Variants in CCDC60 observed in about 807,000 individuals in gnomAD.
CCDC60 encodes the protein coiled-coil domain-containing protein 60.
In CCDC60, 54 loss-of-function variants were observed where a neutral mutation model predicts 63.5. That is an observed-to-expected ratio of 0.85 (90% CI 0.68 to 1.07). The LOEUF (loss-of-function observed/expected upper bound fraction) is 1.07, where lower values mean the gene tolerates loss of function less well. Among genes scored for constraint, CCDC60 ranks in the 50% least tolerant of loss-of-function variants. The pLI, the probability that CCDC60 is intolerant of heterozygous loss-of-function variation, is 0.00. For synonymous variants in CCDC60, 206 were observed against 238.8 expected (o/e 0.86, Z 1.27); for missense variants, 651 against 684.3 (o/e 0.95, Z 0.54).
chr12:119,346,333 TC>T (rs1164997534), intron 1 of CCDC60, among the ~76,000 whole-genome samples: 2 of 152,134 alleles, frequency 1.3e-5, no homozygotes, highest in African/African-American at 4.8e-5. Context: ...GCAGGTGCTA[TC>T]ATGACATCTA....
intron 2 of CCDC60, among the ~76,000 whole-genome samples, chr12:119,429,167 G>T (rs941017867): frequency 3.9e-5 from 6 of 152,102 alleles, no homozygotes; most frequent in African/African-American, 7.2e-5. Flanking sequence ...AAACTCTCTG[G>T]GACTCTTTTT....
chr12:119,536,315 C>T (rs576176), intron 13 of CCDC60, among the ~76,000 whole-genome samples: 30,061 of 152,022 alleles, frequency 0.2, 3,753 homozygotes, highest in East Asian at 0.52. Flanking sequence ...TGTCTCTGCA[C>T]GTGAGATGGG....
intron 1 of CCDC60, among the ~76,000 whole-genome samples, chr12:119,391,000 G>T (rs1393829184): frequency 6.6e-6 from 1 of 152,212 alleles, no homozygotes; most frequent in Non-Finnish European, 1.5e-5. Flanking sequence ...AGGATTTTGT[G>T]TGATGCCATT....
chr12:119,530,885 T>C lies in CCDC60; in HGVS notation c.1373T>C (p.Leu458Pro), dbSNP rs376813708. Residue 458 changes from leucine to proline, a missense_variant, in exon 13 of 14, where the codon CTG becomes CCG. Transcript: ENST00000327554. The part of the protein sequence containing the change: ...EEIADHWYFD[L>P]LSKLPEDLKN... ...TTTTGGAATTGAAGGTACTTTGATC[T>C]GTTGTCCAAACTGCCAGAGGATCTA... is the stretch of plus-strand genomic sequence containing the variant. The C allele has an allele frequency of 6.2e-7, 1 of 1,613,552 alleles. No homozygotes were observed. Among genetic ancestry groups the C allele is most frequent in the African/African-American group, 1.3e-5 (1 of 74,880 alleles).
At chr12:119,472,331 G>A (rs1344704178) in intron 3 of CCDC60, among the ~76,000 whole-genome samples, 167 bp downstream of exon 3, 3 of 152,034 alleles carry the variant, frequency 2.0e-5, no homozygotes, top group Admixed American at 6.6e-5. Context: ...TGATAGCCTC[G>A]CTTTCTGGTA....
chr12:119,417,726 C>T (rs1328557220), intron 1 of CCDC60, among the ~76,000 whole-genome samples: 1 of 152,128 alleles, frequency 6.6e-6, no homozygotes, highest in Non-Finnish European at 1.5e-5. Flanking sequence ...CCAAAACAAA[C>T]AAATCAACCA....
intron 11 of CCDC60, chr12:119,524,414 C>G (rs1390464640): frequency 2.0e-6 from 2 of 982,892 alleles, no homozygotes; most frequent in African/African-American, 3.5e-5. Context: ...ACTCCAGAGA[C>G]CATCCATCCC....
At chr12:119,385,226 G>A (rs1046242277) in intron 1 of CCDC60, among the ~76,000 whole-genome samples, 6 of 152,220 alleles carry the variant, frequency 3.9e-5, no homozygotes, top group African/African-American at 1.4e-4. Context: ...TGCCCCAGGA[G>A]AATGACAACT....
intron 2 of CCDC60, among the ~76,000 whole-genome samples, chr12:119,433,209 C>T (rs756544673): frequency 3.3e-5 from 5 of 152,108 alleles, no homozygotes; most frequent in South Asian, 2.1e-4. Context: ...GCCCCAAGAA[C>T]GACAAAGGTT....
intron 2 of CCDC60, among the ~76,000 whole-genome samples, chr12:119,442,396 T>C (rs1950465237): frequency 6.6e-6 from 1 of 152,154 alleles, no homozygotes; most frequent in South Asian, 2.1e-4. Flanking sequence ...GTGGATCGCC[T>C]TGAGCCCAGA....
chr12:119,478,985 A>G, intron 3 of CCDC60, 109 bp from the exon 4 acceptor site: 1 of 748,320 alleles, frequency 1.3e-6, no homozygotes, highest in Non-Finnish European at 2.3e-6. Context: ...TTTGCCTGAT[A>G]CATAGTAAGT....
intron 1 of CCDC60, among the ~76,000 whole-genome samples, chr12:119,407,368 GAA>G (rs1233859245): frequency 6.6e-6 from 1 of 151,212 alleles, no homozygotes; most frequent in East Asian, 2.0e-4. Flanking sequence ...GAAAAGAAAA[GAA>G]AAAGAAATTT....
intron 7 of CCDC60, among the ~76,000 whole-genome samples, chr12:119,516,262 C>T (rs2682669): frequency 3.3e-5 from 5 of 152,002 alleles, no homozygotes; most frequent in African/African-American, 9.7e-5. Flanking sequence ...TCCACCACCA[C>T]GCCCAGCTGA....
At chr12:119,388,144 G>C (rs766565976) in intron 1 of CCDC60, 3 of 152,206 alleles carry the variant, frequency 2.0e-5, no homozygotes, top group Non-Finnish European at 2.9e-5. Flanking sequence ...AGTTGGGAAT[G>C]CCTCCCCCAG....
chr12:119,435,627 C>T (rs1441975403), intron 2 of CCDC60, among the ~76,000 whole-genome samples: 4 of 152,084 alleles, frequency 2.6e-5, no homozygotes, highest in African/African-American at 4.8e-5. Context: ...CAATCTTCCC[C>T]GAGGCAGGCA....
At chr12:119,471,539 TG>T (rs751800999) in intron 2 of CCDC60, among the ~76,000 whole-genome samples, 14 of 152,132 alleles carry the variant, frequency 9.2e-5, no homozygotes, top group Non-Finnish European at 2.1e-4. Context: ...GTGCTGTAAG[TG>T]GGCACTCCAT....
intron 9 of CCDC60, among the ~76,000 whole-genome samples, chr12:119,521,461 T>A (rs953743740): frequency 6.6e-6 from 1 of 152,206 alleles, no homozygotes; most frequent in Admixed American, 6.5e-5. Context: ...TAACCAACAC[T>A]GAGTCTGATG....
At chr12:119,398,251 G>A (rs1400211594) in intron 1 of CCDC60, among the ~76,000 whole-genome samples, 1 of 151,798 alleles carries the variant, frequency 6.6e-6, no homozygotes, top group Non-Finnish European at 1.5e-5. Flanking sequence ...AGTGCTGGGG[G>A]ACCCGGCGCA....
Position 119,508,108 on chromosome 12 carries a change from T to C in CCDC60, c.883+2805T>C, listed in dbSNP as rs116846368. On this transcript the variant is annotated intron_variant, in intron 7 of 13. Transcript: ENST00000327554. ...ATCACTTGAGTCCAGGATTTCAAGA[T>C]TGCAGTGAATTATGGTTGTGCCACT... 5.8e-3 allele frequency among the ~76,000 whole-genome samples: 884 copies of C among 151,984 alleles called. 4 individuals are homozygous for C. Among genetic ancestry groups the C allele is most frequent in the Non-Finnish European group, 9.8e-3 (665 of 67,958 alleles).
Sources: gnomAD v4.1 joint callset for allele counts (sites outside exome capture counted in the v4.1 genomes callset) on GRCh38, gnomAD v4.1.1 for gene constraint, MANE v1.5 for transcripts, NCBI Gene and HGNC (gene_info 2026-07-23, HGNC 2026-07-21) for gene names.